Variants in SREBF2 observed in about 807,000 individuals in gnomAD.
The protein encoded by SREBF2 is sterol regulatory element-binding protein 2.
Under a neutral mutation model 113.1 loss-of-function variants are expected in SREBF2, and 55 were observed. The observed-to-expected ratio is 0.49, with a 90% confidence interval of 0.39 to 0.61. The LOEUF is 0.61. SREBF2 is among the 20% of genes least tolerant of loss of function. The pLI, the probability that SREBF2 is intolerant of heterozygous loss-of-function variation, is 0.00. For synonymous variants in SREBF2, 593 were observed against 605.7 expected, an observed-to-expected ratio of 0.98 and a Z score of 0.31; for missense variants, 1,349 against 1,487.4, an observed-to-expected ratio of 0.91 and a Z score of 1.53.
In SREBF2 at chr22:41,833,298, C is replaced by A. The variant is rs1309317660; in HGVS notation, c.28C>A (p.Leu10Met). The A allele has an allele frequency of 7.5e-7, 1 of 1,340,550 alleles. No individual in the cohort carries two copies. The allele number at this position is 1,340,550 out of a possible 1,614,324, so 83.0% of individuals were successfully genotyped here. A position where few individuals can be genotyped will look rare whatever the true frequency, so the allele number is the denominator to read the frequency against. The change falls in exon 1 of 19, where the codon CTG becomes ATG. Residue 10 changes from leucine (L) to methionine (M), a missense_variant. Physicochemically the swap from Leu to Met is conservative, Grantham distance 15. Transcript: ENST00000361204. The surrounding 1 kb of genome is among the most constrained non-coding windows in gnomAD (Gnocchi z 4.1). MDDSGELGG[L>M]ETMETLTELG... ...GGACGACAGCGGCGAGCTGGGTGGTCTGGAGACCATGGAGACCCTCACGGA... is the reference window on the plus strand; with the variant it reads ...GGACGACAGCGGCGAGCTGGGTGGTATGGAGACCATGGAGACCCTCACGGA...
At chr22:41,899,017 G>A in intron 15 of SREBF2, 1 of 659,704 alleles carries the variant, frequency 1.5e-6, no homozygotes. Context: ...GCAGCTGTCA[G>A]CACTGTGTCC....
rs538640097 is a variant in SREBF2 at position 41,896,073 on chromosome 22, G to A, written c.2496-979G>A. ...GGAGAATGGCATGAATCCGGGAGGC[G>A]GAGCTTGCAGTGAGCCAAGATTGCG... On this transcript the variant is annotated intron_variant, in intron 13 of 18. Transcript: ENST00000361204. 1.1e-3 allele frequency among the ~76,000 whole-genome samples: 162 copies of A among 151,918 alleles called. 1 individual carries two copies. The highest frequency in any genetic ancestry group is 3.8e-3 in the African/African-American group (158 of 41,466).
At chr22:41,866,723 C>T (rs2077079480) in intron 1 of SREBF2, 108 bp from the exon 2 acceptor site, 5 of 1,326,164 alleles carry the variant, frequency 3.8e-6, no homozygotes, top group Non-Finnish European at 3.3e-6. Flanking sequence ...CCCATTTCTG[C>T]CATGGTCTTA....
chr22:41,847,920 A>ATTTT (rs58300625), intron 1 of SREBF2, among the ~76,000 whole-genome samples: 18 of 137,462 alleles, frequency 1.3e-4, no homozygotes, highest in African/African-American at 2.1e-4. Context: ...TATTATTATT[A>ATTTT]TTTTTTTTTT....
In SREBF2 at chr22:41,906,789, T is replaced by C. The variant is rs1569415213; in HGVS notation, c.*1129T>C. The C allele has an allele frequency of 6.6e-6, 1 of 152,212 alleles. No homozygotes were observed. The highest frequency in any genetic ancestry group is 2.4e-5 in the African/African-American group (1 of 41,446). 9.4% of individuals were successfully genotyped at this position (152,212 alleles called of 1,614,324 possible). A position where few individuals can be genotyped will look rare whatever the true frequency, so the allele number is the denominator to read the frequency against. On this transcript the variant is annotated 3_prime_UTR_variant, in exon 19 of 19. Coordinates refer to ENST00000361204, the MANE Select transcript of SREBF2 (RefSeq NM_004599.4). ...TCCCTCCCCAGCGGCAAGCCCCTCT[T>C]TTCAGAGTGGGCAGAGGGTTGCCTA... is the stretch of plus-strand genomic sequence containing the variant.
Position 41,885,145 on chromosome 22 carries a change from T to G in SREBF2, c.2208+134T>G, listed in dbSNP as rs9623466. 62,819 of 1,103,324 alleles carry G rather than the reference T, an allele frequency of 0.057. 3,070 individuals are homozygous for G. Among genetic ancestry groups the G allele is most frequent in the African/African-American group, 0.24 (15,140 of 64,350 alleles). The allele number at this position is 1,103,324 out of a possible 1,614,324, so 68.3% of individuals were successfully genotyped here. A position where few individuals can be genotyped will look rare whatever the true frequency, so the allele number is the denominator to read the frequency against. The stretch of plus-strand genomic sequence containing the variant: ...CCTGGAGGGGTAGGCAGGCATTCAT[T>G]CAGTCGCTCATTTCACCAGGACTCC... On this transcript the variant is annotated intron_variant, in intron 11 of 18. Coordinates refer to ENST00000361204, the MANE Select transcript of SREBF2 (RefSeq NM_004599.4).
At chr22:41,859,622 A>G in intron 1 of SREBF2, among the ~76,000 whole-genome samples, 1 of 151,766 alleles carries the variant, frequency 6.6e-6, no homozygotes, top group East Asian at 1.9e-4. Flanking sequence ...AAAACCCACT[A>G]TGAATAATGT....
At chr22:41,836,116 A>G (rs1177779103) in intron 1 of SREBF2, among the ~76,000 whole-genome samples, 2 of 152,260 alleles carry the variant, frequency 1.3e-5, no homozygotes, top group African/African-American at 4.8e-5. Flanking sequence ...GACCTGGTTT[A>G]TAACAGTGCA....
At position 41,900,427 on chromosome 22, in the gene SREBF2, G is replaced by A. The variant is rs888003815; in HGVS notation, c.2836G>A (p.Glu946Lys). The A allele has an allele frequency of 6.2e-6, 10 of 1,613,914 alleles. No individual in the cohort carries two copies. Among genetic ancestry groups the A allele is most frequent in the South Asian group, 2.2e-5 (2 of 91,088 alleles). Reference protein sequence around the residue: ...DGQQSSFCHCERASGHLWSSL... With the variant: ...DGQQSSFCHCKRASGHLWSSL... ...GCAGCAGAGTTCCTTCTGCCATTGC[G>A]AGAGGGCCAGTGGCCACCTATGGAG... The change falls in exon 16 of 19, where the codon GAG becomes AAG. Residue 946 changes from glutamate (E) to lysine (K), a missense_variant. Physicochemically the swap from Glu to Lys is moderately conservative, Grantham distance 56. This residue lies in a region of SREBF2 where 650 missense variants were observed against 644.1 expected (regional missense o/e 1.01). Coordinates refer to ENST00000361204, the MANE Select transcript of SREBF2 (RefSeq NM_004599.4).
intron 1 of SREBF2, among the ~76,000 whole-genome samples, chr22:41,853,966 C>T (rs370694593): frequency 1.4e-4 from 21 of 148,156 alleles, no homozygotes; most frequent in East Asian, 8.2e-4. Context: ...ACCCGGGAGG[C>T]GGAGCTTGCA....
In SREBF2 at chr22:41,867,202, C is replaced by A; in HGVS notation, c.460C>A (p.Pro154Thr). The part of the protein sequence containing the change: ...QLQQQTVMIT[P>T]TFSTTPQTRI... ...GCAACAACAGACGGTAATGATCACG[C>A]CAACATTCAGCACCACTCCGCAGAC... Residue 154 changes from proline to threonine, a missense_variant, in exon 2 of 19, where the codon CCA becomes ACA. Coordinates refer to ENST00000361204, the MANE Select transcript of SREBF2 (RefSeq NM_004599.4). The A allele has an allele frequency of 6.2e-7, 1 of 1,614,192 alleles. No homozygotes were observed. The highest frequency in any genetic ancestry group is 1.1e-5 in the South Asian group (1 of 91,086).
chr22:41,895,701 G>A (rs1438602603), intron 13 of SREBF2, among the ~76,000 whole-genome samples: 3 of 152,118 alleles, frequency 2.0e-5, no homozygotes, highest in Non-Finnish European at 4.4e-5. Context: ...CTCCCAAAGT[G>A]CTGGGATTAC....
chr22:41,877,768 T>G (rs1211890036), intron 8 of SREBF2, among the ~76,000 whole-genome samples, 174 bp from the exon 9 acceptor site: 1 of 152,172 alleles, frequency 6.6e-6, no homozygotes, highest in Non-Finnish European at 1.5e-5. Context: ...GGCACTCAGC[T>G]CCATAATGAG....
intron 1 of SREBF2, among the ~76,000 whole-genome samples, chr22:41,857,925 G>T (rs1602288971): frequency 6.6e-6 from 1 of 152,130 alleles, no homozygotes; most frequent in East Asian, 1.9e-4. Flanking sequence ...TGCTCCTCTG[G>T]GTGACTAGAG....
At position 41,900,388 on chromosome 22, in the gene SREBF2, G is replaced by A. The variant is rs1045354536; in HGVS notation, c.2797G>A (p.Gly933Arg). 3.7e-6 allele frequency: 6 copies of A among 1,613,870 alleles called. No homozygotes were observed. Among genetic ancestry groups the A allele is most frequent in the Non-Finnish European group, 4.2e-6 (5 of 1,180,034 alleles). ...CAGAGCCATGCATGCCTCACTCCCT[G>A]GGAAAGCAGATGGGCAGCAGAGTTC... ...ACRAMHASLPGKADGQQSSFC... is the reference protein window; with the variant it reads ...ACRAMHASLPRKADGQQSSFC... The change falls in exon 16 of 19, where the codon GGG becomes AGG. Residue 933 changes from glycine (G) to arginine (R), a missense_variant. By Grantham distance (125) the Gly-to-Arg change is moderately radical. Coordinates refer to ENST00000361204, the MANE Select transcript of SREBF2 (RefSeq NM_004599.4).
Position 41,833,264 on chromosome 22 carries a change from C to G in SREBF2, c.-7C>G. ...CGGCAGGGGGGGCTTCTGCGCTGAG[C>G]CGGGCGATGGACGACAGCGGCGAGC... is the stretch of plus-strand genomic sequence containing the variant. On this transcript the variant is annotated 5_prime_UTR_variant, in exon 1 of 19. Coordinates refer to ENST00000361204, the MANE Select transcript of SREBF2 (RefSeq NM_004599.4). This position sits in a 1 kb window ranked among gnomAD's most constrained non-coding sequence, Gnocchi z 4.1. 6.6e-7 allele frequency: 1 copy of G among 1,520,266 alleles called. No homozygotes were observed. Among genetic ancestry groups the G allele is most frequent in the Non-Finnish European group, 8.8e-7 (1 of 1,133,398 alleles). The allele number at this position is 1,520,266 out of a possible 1,614,324, so 94.2% of individuals were successfully genotyped here.
chr22:41,892,781 C>T (rs1373203728), intron 11 of SREBF2, among the ~76,000 whole-genome samples: 2 of 152,172 alleles, frequency 1.3e-5, no homozygotes, highest in African/African-American at 2.4e-5. Flanking sequence ...GGGAAACCGC[C>T]TTCCTAGTTT....
chr22:41,893,947 GT>G (rs2077387742), intron 12 of SREBF2, among the ~76,000 whole-genome samples: 1 of 152,158 alleles, frequency 6.6e-6, no homozygotes, highest in Non-Finnish European at 1.5e-5. Flanking sequence ...GGAGAGTAAG[GT>G]TCTACAGGTA....
In SREBF2 at chr22:41,884,909, A is replaced by G; in HGVS notation, c.2106A>G (p.Glu702=). The G allele has an allele frequency of 6.2e-7, 1 of 1,614,112 alleles. No individual in the cohort carries two copies. The highest frequency in any genetic ancestry group is 8.5e-7 in the Non-Finnish European group (1 of 1,180,008). ...HMALCAVNLA[E]CAEEKIPPST... ...CGTTGTGTGCCGTGAACCTGGCTGA[A>G]TGTGCAGAGGAGAAGATCCCACCGA... Residue 702 remains glutamate, a synonymous_variant, in exon 11 of 19, where the codon GAA becomes GAG. Transcript: ENST00000361204.
Sources: gnomAD v4.1 joint callset for allele counts (sites outside exome capture counted in the v4.1 genomes callset) on GRCh38, gnomAD v4.1.1 for gene constraint, gnomAD v4.1.1 regional missense constraint, Gnocchi (gnomAD v3.1) non-coding constraint, MANE v1.5 for transcripts, NCBI Gene and HGNC (gene_info 2026-07-23, HGNC 2026-07-21) for gene names.